Variants in ELP4 observed in about 807,000 individuals in gnomAD.
The protein encoded by ELP4 is elongator complex protein 4.
Under a neutral mutation model 48.9 loss-of-function variants are expected in ELP4, and 51 were observed. The ratio of observed to expected loss-of-function variants is 1.04; its 90% CI spans 0.83 to 1.32. The LOEUF (loss-of-function observed/expected upper bound fraction) is 1.32. Among genes scored for constraint, ELP4 ranks in the 40% most tolerant of loss-of-function variants. ELP4 has a pLI of 0.00. For synonymous variants in ELP4, 210 were observed against 189.2 expected (o/e 1.11, Z -0.90); for missense variants, 519 against 514.6 (o/e 1.01, Z -0.08).
intron 9 of ELP4, among the ~76,000 whole-genome samples, chr11:31,682,378 C>T (rs1218097431): frequency 6.6e-6 from 1 of 152,186 alleles, no homozygotes; most frequent in East Asian, 1.9e-4. Context: ...GGTAGCACTA[C>T]TTCGGTCACA....
In ELP4 at chr11:31,786,732, C is replaced by T. The variant is rs608293; in HGVS notation, c.*3208C>T. The T allele has an allele frequency of 0.86, 192,969 of 224,348 alleles. 83,607 individuals are homozygous for T. The highest frequency in any genetic ancestry group is 0.96 in the African/African-American group (43,378 of 44,970). The allele number at this position is 224,348 out of a possible 1,614,324, so 13.9% of individuals were successfully genotyped here. ...GAGCTGTAGCAAGAAACCAGTTGTT[C>T]ACCATTTAAGGGTTAGGAGGCATAG... On this transcript the variant is annotated 3_prime_UTR_variant, in exon 10 of 10. Coordinates refer to ENST00000640961, the MANE Select transcript of ELP4 (RefSeq NM_019040.5).
At chr11:31,708,412 TACAAGTGTATTATAC>T (rs1946677177) in intron 9 of ELP4, among the ~76,000 whole-genome samples, 1 of 152,204 alleles carries the variant, frequency 6.6e-6, no homozygotes, top group African/African-American at 2.4e-5. Flanking sequence ...CTCAGTTATC[TACAAGTGTATTATAC>T]ACATTTAAGA....
At chr11:31,709,647 T>C (rs1946700498) in intron 9 of ELP4, among the ~76,000 whole-genome samples, 1 of 152,176 alleles carries the variant, frequency 6.6e-6, no homozygotes, top group African/African-American at 2.4e-5. Context: ...CTCTACGTCC[T>C]TATTTCCTTA....
intron 9 of ELP4, among the ~76,000 whole-genome samples, chr11:31,677,768 A>T (rs1391323838): frequency 6.6e-6 from 1 of 152,216 alleles, no homozygotes; most frequent in African/African-American, 2.4e-5. Context: ...ATACCCATCC[A>T]CACTCATTCC....
At chr11:31,511,277 C>T (rs886851353) in intron 1 of ELP4, 2 of 152,142 alleles carry the variant, frequency 1.3e-5, no homozygotes, top group African/African-American at 2.4e-5. Context: ...CAGTTGATAT[C>T]CTCTTACATT....
intron 9 of ELP4, chr11:31,663,179 C>T (rs1246128215): frequency 6.6e-6 from 1 of 151,624 alleles, no homozygotes. Flanking sequence ...TAAATTTAAC[C>T]ATTTATGGTG....
At chr11:31,605,842 A>C (rs1452446807) in intron 5 of ELP4, among the ~76,000 whole-genome samples, 1 of 152,058 alleles carries the variant, frequency 6.6e-6, no homozygotes, top group Non-Finnish European at 1.5e-5. Context: ...TTTGTAAGCA[A>C]TTTCAGGTTA....
At chr11:31,534,081 C>T (rs924978100) in intron 2 of ELP4, among the ~76,000 whole-genome samples, 4 of 152,076 alleles carry the variant, frequency 2.6e-5, no homozygotes, top group African/African-American at 7.2e-5. Context: ...CGTGATCCGC[C>T]CGCCTCGGCC....
At chr11:31,644,638 ATTC>A (rs1945165656) in intron 7 of ELP4, among the ~76,000 whole-genome samples, 1 of 151,734 alleles carries the variant, frequency 6.6e-6, no homozygotes, top group Non-Finnish European at 1.5e-5. Context: ...TTAATTTTAT[ATTC>A]TTCTAAGTAA....
chr11:31,521,375 C>T (rs956235361), intron 2 of ELP4, among the ~76,000 whole-genome samples: 1 of 151,800 alleles, frequency 6.6e-6, no homozygotes. Context: ...AAATGAGGCT[C>T]ACAAGGATGG....
intron 9 of ELP4, among the ~76,000 whole-genome samples, chr11:31,670,082 T>C (rs1945776622): frequency 6.6e-6 from 1 of 152,198 alleles, no homozygotes; most frequent in African/African-American, 2.4e-5. Context: ...CTCGACTTTT[T>C]AATGATGAGT....
chr11:31,582,960 A>C (rs1202429844), intron 3 of ELP4, among the ~76,000 whole-genome samples: 1 of 152,122 alleles, frequency 6.6e-6, no homozygotes, highest in Non-Finnish European at 1.5e-5. Context: ...ACTTTCAAGA[A>C]ATTATCCTAT....
intron 1 of ELP4, among the ~76,000 whole-genome samples, chr11:31,513,072 C>T (rs1319732440): frequency 6.6e-6 from 1 of 151,910 alleles, no homozygotes; most frequent in African/African-American, 2.4e-5. Flanking sequence ...AAAAAGTAAA[C>T]ACTAGTGGGC....
intron 3 of ELP4, among the ~76,000 whole-genome samples, chr11:31,569,168 G>A (rs188577999): frequency 5.3e-4 from 81 of 152,030 alleles, no homozygotes; most frequent in African/African-American, 1.9e-3. Flanking sequence ...AATCCTAGGC[G>A]ATACCCTTCT....
At chr11:31,754,009 G>A (rs1461597828) in intron 9 of ELP4, among the ~76,000 whole-genome samples, 2 of 152,100 alleles carry the variant, frequency 1.3e-5, no homozygotes, top group Admixed American at 6.5e-5. Context: ...GTACATGGGT[G>A]CTTTAATTAA....
chr11:31,549,810 A>C (rs1464440222), intron 3 of ELP4, among the ~76,000 whole-genome samples: 2 of 152,268 alleles, frequency 1.3e-5, no homozygotes, highest in African/African-American at 4.8e-5. Context: ...TGCAGCCACA[A>C]AAAATGATGA....
intron 2 of ELP4, among the ~76,000 whole-genome samples, chr11:31,523,129 C>T (rs185737206): frequency 5.3e-5 from 8 of 152,034 alleles, no homozygotes; most frequent in East Asian, 3.9e-4. Flanking sequence ...TGCCTCAGCC[C>T]GCAGAGTGCT....
At chr11:31,615,497 A>G (rs1944461521) in intron 5 of ELP4, among the ~76,000 whole-genome samples, 1 of 152,092 alleles carries the variant, frequency 6.6e-6, no homozygotes, top group Non-Finnish European at 1.5e-5. Flanking sequence ...AATTTATTAT[A>G]AGAAACGTAT....
intron 9 of ELP4, among the ~76,000 whole-genome samples, chr11:31,655,426 A>G (rs759153610): frequency 1.3e-5 from 2 of 151,978 alleles, no homozygotes; most frequent in Non-Finnish European, 2.9e-5. Flanking sequence ...AATCTGTAGC[A>G]AAAGGTATAA....
Sources: gnomAD v4.1 joint callset for allele counts (sites outside exome capture counted in the v4.1 genomes callset) on GRCh38, gnomAD v4.1.1 for gene constraint, MANE v1.5 for transcripts, NCBI Gene and HGNC (gene_info 2026-07-23, HGNC 2026-07-21) for gene names.